The following KIRREL3 variants were observed in gnomAD, a reference collection of about 807,000 sequenced individuals.
The protein encoded by KIRREL3 is kirre like nephrin family adhesion molecule 3, also known as kin of IRRE-like protein 3.
A neutral mutation model predicts 89.7 loss-of-function variants in KIRREL3; 36 were observed. The ratio of observed to expected loss-of-function variants is 0.40; its 90% CI spans 0.31 to 0.53. The LOEUF (loss-of-function observed/expected upper bound fraction) is 0.53, where lower values mean the gene tolerates loss of function less well. Among genes scored for constraint, KIRREL3 ranks in the 20% least tolerant of loss-of-function variants. The pLI, the probability that KIRREL3 is intolerant of heterozygous loss-of-function variation, is 0.49. For missense variants in KIRREL3, 864 were observed against 1,056.6 expected (o/e 0.82, Z 2.53); for synonymous variants, 445 against 441.4 (o/e 1.01, Z -0.10).
At chr11:126,451,683 T>TGTGTGTGCACGTGTGA in intron 7 of KIRREL3, among the ~76,000 whole-genome samples, 1 of 151,090 alleles carries the variant, frequency 6.6e-6, no homozygotes, top group Non-Finnish European at 1.5e-5. Context: ...CATATGTGCG[T>TGTGTGTGCACGTGTGA]GTGTGTGCAC....
chr11:126,573,197 C>T (rs925946747), intron 1 of KIRREL3, among the ~76,000 whole-genome samples: 1 of 152,198 alleles, frequency 6.6e-6, no homozygotes, highest in Non-Finnish European at 1.5e-5. Flanking sequence ...CTGCCTGGTT[C>T]ACAGTCCAGT....
At chr11:126,572,752 G>C (rs56115377) in intron 1 of KIRREL3, among the ~76,000 whole-genome samples, 20,215 of 152,162 alleles carry the variant, frequency 0.13, 1,736 homozygotes, top group South Asian at 0.32. Flanking sequence ...TACTCAGGGT[G>C]TGCAGGCAGC....
chr11:126,606,678 G>A lies in KIRREL3; in HGVS notation c.56-43766C>T, dbSNP rs1942903931. On this transcript the variant is annotated intron_variant, in intron 1 of 16. Coordinates refer to ENST00000525144, the MANE Select transcript of KIRREL3 (RefSeq NM_032531.4). This position sits in a 1 kb window ranked among gnomAD's most constrained non-coding sequence, Gnocchi z 4.6. ...AGTCAGTTTCCAAGCTGCATAACTT[G>A]GTTCAAGGTTGGCAGTGAGGGGAGA... 2.0e-5 allele frequency among the ~76,000 whole-genome samples: 3 copies of A among 152,124 alleles called. No individual in the cohort carries two copies.
intron 1 of KIRREL3, among the ~76,000 whole-genome samples, chr11:126,584,063 G>T (rs1281042358): frequency 6.6e-6 from 1 of 152,186 alleles, no homozygotes; most frequent in Non-Finnish European, 1.5e-5. Context: ...TGCACAATCT[G>T]GTGGCTGCCC....
At position 126,904,492 on chromosome 11, in the gene KIRREL3, T is replaced by G. The variant is rs1466239907; in HGVS notation, c.55+95963A>C. On this transcript the variant is annotated intron_variant, in intron 1 of 16. Transcript: ENST00000525144. The surrounding 1 kb of genome is among the most constrained non-coding windows in gnomAD (Gnocchi z 4.4). ...TAGCAGATATTTGGTCAGAAAATCTTTTATGAATTAGAAGTCATTCCTAAT... is the reference window on the plus strand; with the variant it reads ...TAGCAGATATTTGGTCAGAAAATCTGTTATGAATTAGAAGTCATTCCTAAT... Among the ~76,000 whole-genome samples, 1 of 152,230 alleles carries G rather than the reference T, an allele frequency of 6.6e-6. No individual in the cohort carries two copies. The highest frequency in any genetic ancestry group is 1.9e-4 in the East Asian group (1 of 5,202).
At chr11:126,923,205 T>TTCTTCTTC (rs1947483786) in intron 1 of KIRREL3, among the ~76,000 whole-genome samples, 1 of 10,916 alleles carries the variant, frequency 9.2e-5, no homozygotes, top group African/African-American at 6.8e-4. Flanking sequence ...CTTCTTCTTC[T>TTCTTCTTC]TCTTCTTCTT....
Position 126,764,750 on chromosome 11 carries a change from T to C in KIRREL3, c.56-201838A>G, listed in dbSNP as rs1043317002. 1.3e-5 allele frequency among the ~76,000 whole-genome samples: 2 copies of C among 152,212 alleles called. No individual in the cohort carries two copies. Among genetic ancestry groups the C allele is most frequent in the Non-Finnish European group, 2.9e-5 (2 of 68,036 alleles). ...TGAGTGGAACATACTATCCAGCTTC[T>C]TAGGGCCTGTGCTGTAAGCCTCCGG... is the stretch of plus-strand genomic sequence containing the variant. On this transcript the variant is annotated intron_variant, in intron 1 of 16. Coordinates refer to ENST00000525144, the MANE Select transcript of KIRREL3 (RefSeq NM_032531.4). This position sits in a 1 kb window ranked among gnomAD's most constrained non-coding sequence, Gnocchi z 4.2.
rs1435512112 is a variant in KIRREL3, at chr11:126,519,439, G to A, written c.433+1876C>T. ...CCATTCTCTCATCTGTAAAACATTCGAAATAATCTGGACTTTTAATACGTT... is the reference window on the plus strand; with the variant it reads ...CCATTCTCTCATCTGTAAAACATTCAAAATAATCTGGACTTTTAATACGTT... On this transcript the variant is annotated intron_variant, in intron 4 of 16. Coordinates refer to ENST00000525144, the MANE Select transcript of KIRREL3 (RefSeq NM_032531.4). The surrounding 1 kb of genome is among the most constrained non-coding windows in gnomAD (Gnocchi z 4.3). Among the ~76,000 whole-genome samples the A allele has an allele frequency of 2.0e-5, 3 of 152,188 alleles. No individual in the cohort carries two copies. Among genetic ancestry groups the A allele is most frequent in the African/African-American group, 2.4e-5 (1 of 41,440 alleles).
intron 1 of KIRREL3, among the ~76,000 whole-genome samples, chr11:126,774,314 C>A (rs532285659): frequency 6.6e-6 from 1 of 152,050 alleles, no homozygotes; most frequent in African/African-American, 2.4e-5. Context: ...GAAAGAACTC[C>A]GAGTCCACTG....
At chr11:126,926,469 G>C (rs1947719761) in intron 1 of KIRREL3, among the ~76,000 whole-genome samples, 1 of 152,138 alleles carries the variant, frequency 6.6e-6, no homozygotes, top group South Asian at 2.1e-4. Flanking sequence ...GCTCTGCCAA[G>C]GTAGGTCACG....
At position 126,905,235 on chromosome 11, in the gene KIRREL3, AAGGGG is replaced by A. The variant is rs893390145; in HGVS notation, c.55+95215_55+95219del. ...CTTCCAATAAGTCACCTTCCATGGC[AAGGGG>A]AGGGTGGGTGATATTTTTTAGTGAA... is the stretch of plus-strand genomic sequence containing the variant. On this transcript the variant is annotated intron_variant, in intron 1 of 16. Coordinates refer to ENST00000525144, the MANE Select transcript of KIRREL3 (RefSeq NM_032531.4). The surrounding 1 kb of genome is among the most constrained non-coding windows in gnomAD (Gnocchi z 5.0). 2.6e-5 allele frequency among the ~76,000 whole-genome samples: 4 copies of A among 152,056 alleles called. No individual in the cohort carries two copies. Among genetic ancestry groups the A allele is most frequent in the African/African-American group, 9.7e-5 (4 of 41,410 alleles).
rs1050150999 is a variant in KIRREL3 at position 126,686,512 on chromosome 11, A to T, written c.56-123600T>A. 2.1e-5 allele frequency among the ~76,000 whole-genome samples: 3 copies of T among 145,406 alleles called. No homozygotes were observed. The highest frequency in any genetic ancestry group is 4.5e-5 in the Non-Finnish European group (3 of 65,994). On this transcript the variant is annotated intron_variant, in intron 1 of 16. Transcript: ENST00000525144. This position sits in a 1 kb window ranked among gnomAD's most constrained non-coding sequence, Gnocchi z 4.7. ...CTGATAGGGTCAGTGCTGGCCACTG[A>T]GCGGGGAGGGTGGGGAGGGACTGTG...
intron 4 of KIRREL3, among the ~76,000 whole-genome samples, chr11:126,487,437 C>T (rs561064458): frequency 6.6e-6 from 1 of 152,320 alleles, no homozygotes; most frequent in South Asian, 2.1e-4. Context: ...AAGCAAAACA[C>T]TTTCTCTAGG....
intron 1 of KIRREL3, among the ~76,000 whole-genome samples, chr11:126,631,592 T>C (rs1042996448): frequency 1.3e-5 from 2 of 152,168 alleles, no homozygotes; most frequent in Non-Finnish European, 2.9e-5. Context: ...GTGGGGGTGG[T>C]GCAGGCAAGA....
In KIRREL3 at chr11:126,924,683, C is replaced by T. The variant is rs1218560154; in HGVS notation, c.55+75772G>A. Among the ~76,000 whole-genome samples the T allele has an allele frequency of 2.0e-5, 3 of 152,116 alleles. No individual in the cohort carries two copies. Among genetic ancestry groups the T allele is most frequent in the Admixed American group, 2.0e-4 (3 of 15,282 alleles). On this transcript the variant is annotated intron_variant, in intron 1 of 16. Transcript: ENST00000525144. This position sits in a 1 kb window ranked among gnomAD's most constrained non-coding sequence, Gnocchi z 4.7. ...GGAGCAGCTTTGCTCTATTAAAACC[C>T]CTGCCTTTCCAAGCAAATATGGCTG...
At chr11:126,536,659 T>C (rs1307184437) in intron 2 of KIRREL3, among the ~76,000 whole-genome samples, 1 of 143,348 alleles carries the variant, frequency 7.0e-6, no homozygotes, top group African/African-American at 2.6e-5. Flanking sequence ...TTTTTTTTTT[T>C]TTTTTTTTGA....
At position 126,844,792 on chromosome 11, in the gene KIRREL3, A is replaced by G. The variant is rs899741343; in HGVS notation, c.55+155663T>C. On this transcript the variant is annotated intron_variant, in intron 1 of 16. Transcript: ENST00000525144. The surrounding 1 kb of genome is among the most constrained non-coding windows in gnomAD (Gnocchi z 4.8). The stretch of plus-strand genomic sequence containing the variant: ...CTATGGGTGACAGAGTTAAGCATGT[A>G]TAGGATCTTGGGACATGGGGAGCTT... Among the ~76,000 whole-genome samples, 4 of 152,136 alleles carry G rather than the reference A, an allele frequency of 2.6e-5. No individual in the cohort carries two copies. The highest frequency in any genetic ancestry group is 9.7e-5 in the African/African-American group (4 of 41,424).
chr11:126,458,602 G>T (rs1044749419), intron 6 of KIRREL3, among the ~76,000 whole-genome samples: 2 of 152,196 alleles, frequency 1.3e-5, no homozygotes, highest in African/African-American at 2.4e-5. Flanking sequence ...CAGGCACTGG[G>T]GAGAGAACTC....
intron 1 of KIRREL3, among the ~76,000 whole-genome samples, chr11:126,866,969 A>G (rs1018208159): frequency 6.6e-6 from 1 of 152,186 alleles, no homozygotes; most frequent in African/African-American, 2.4e-5. Flanking sequence ...TAAGGCAAGA[A>G]CCCAGGATAC....
Sources: gnomAD v4.1 joint callset for allele counts (sites outside exome capture counted in the v4.1 genomes callset) on GRCh38, gnomAD v4.1.1 for gene constraint, Gnocchi (gnomAD v3.1) non-coding constraint, MANE v1.5 for transcripts, NCBI Gene and HGNC (gene_info 2026-07-23, HGNC 2026-07-21) for gene names.